Variants in SESN1 observed in about 807,000 individuals in gnomAD.
The protein encoded by SESN1 is sestrin 1.
In SESN1, 30 loss-of-function variants were observed where a neutral mutation model predicts 59.3. That is an observed-to-expected ratio of 0.51 (90% CI 0.38 to 0.69). SESN1 has a LOEUF of 0.69. SESN1 is among the 30% of genes least tolerant of loss of function. The probability of loss-of-function intolerance (pLI) is 0.00; values close to 1 mark genes in which losing one functional copy is unlikely to be tolerated. For synonymous variants in SESN1, 197 were observed against 219.9 expected, an observed-to-expected ratio of 0.90 and a Z score of 0.92; for missense variants, 566 against 673.0, an observed-to-expected ratio of 0.84 and a Z score of 1.76.
At chr6:109,085,474 G>A (rs562038768) in intron 1 of SESN1, among the ~76,000 whole-genome samples, 6 of 151,838 alleles carry the variant, frequency 4.0e-5, no homozygotes, top group East Asian at 1.9e-4. Flanking sequence ...AGCCGAGGTC[G>A]CACCACTGCA....
intron 1 of SESN1, among the ~76,000 whole-genome samples, chr6:109,009,743 C>G (rs1779822992): frequency 6.6e-6 from 1 of 152,082 alleles, no homozygotes; most frequent in Non-Finnish European, 1.5e-5. Context: ...GGCCCAGGTT[C>G]CCCACGAACA....
intron 1 of SESN1, among the ~76,000 whole-genome samples, chr6:109,075,879 G>C (rs184684726): frequency 6.6e-6 from 1 of 152,162 alleles, no homozygotes; most frequent in Non-Finnish European, 1.5e-5. Context: ...ACCCCAGAGG[G>C]AATGACTCTG....
chr6:109,080,158 C>T (rs1412279185), intron 1 of SESN1, among the ~76,000 whole-genome samples: 1 of 151,890 alleles, frequency 6.6e-6, no homozygotes, highest in African/African-American at 2.4e-5. Context: ...ACTTGTGGGG[C>T]GGGGAAGGGG....
At chr6:109,031,091 G>C (rs572984274) in intron 1 of SESN1, among the ~76,000 whole-genome samples, 313 of 152,304 alleles carry the variant, frequency 2.1e-3, no homozygotes, top group Non-Finnish European at 3.2e-3. Context: ...AGTAGGGAGT[G>C]AGTAAAGGCT....
At chr6:109,017,504 C>G (rs1481823696) in intron 1 of SESN1, among the ~76,000 whole-genome samples, 1 of 152,142 alleles carries the variant, frequency 6.6e-6, no homozygotes, top group Non-Finnish European at 1.5e-5. Context: ...CCAGGATGGT[C>G]TCGATCTCCT....
chr6:109,087,314 T>G (rs1227259851), intron 1 of SESN1, among the ~76,000 whole-genome samples: 1 of 151,002 alleles, frequency 6.6e-6, no homozygotes, highest in East Asian at 1.9e-4. Flanking sequence ...AGTCAGAAAG[T>G]GAAAAAAAAT....
chr6:109,040,387 G>C (rs913561633), intron 1 of SESN1, among the ~76,000 whole-genome samples: 3 of 152,120 alleles, frequency 2.0e-5, no homozygotes, highest in Non-Finnish European at 4.4e-5. Flanking sequence ...GGATTAAAAG[G>C]TTTCATTTAT....
rs1227089569 is a variant in SESN1 at position 108,987,037 on chromosome 6, C to T, written c.*507G>A. ...ACATAATGCAAGTTTAATTTGAAAT[C>T]ACACAAGTTATGTATGTAGGCTCAG... is the stretch of plus-strand genomic sequence containing the variant. On this transcript the variant is annotated 3_prime_UTR_variant, in exon 10 of 10. Coordinates refer to ENST00000436639, the MANE Select transcript of SESN1 (RefSeq NM_014454.3). The T allele has an allele frequency of 6.5e-6, 1 of 152,742 alleles. No homozygotes were observed. 9.5% of individuals were successfully genotyped at this position (152,742 alleles called of 1,614,324 possible). A position where few individuals can be genotyped will look rare whatever the true frequency, so the allele number is the denominator to read the frequency against.
At position 109,094,203 on chromosome 6, in the gene SESN1, G is replaced by T; in HGVS notation, c.-130C>A. 2.8e-6 allele frequency: 3 copies of T among 1,054,016 alleles called. No homozygotes were observed. The highest frequency in any genetic ancestry group is 4.1e-6 in the Non-Finnish European group (3 of 737,536). 65.3% of individuals were successfully genotyped at this position (1,054,016 alleles called of 1,614,324 possible). A position where few individuals can be genotyped will look rare whatever the true frequency, so the allele number is the denominator to read the frequency against. On this transcript the variant is annotated 5_prime_UTR_variant, in exon 1 of 10. Transcript: ENST00000436639. Reference sequence around the variant, plus strand: ...CAAATCGTCATGAAAACACACATCTGGGTGACATTTGGAACCACTGGTGCC... The same window carrying T: ...CAAATCGTCATGAAAACACACATCTTGGTGACATTTGGAACCACTGGTGCC...
At chr6:109,009,214 C>T (rs28504359) in intron 1 of SESN1, 95,032 of 837,672 alleles carry the variant, frequency 0.11, 5,942 homozygotes, top group South Asian at 0.18. Flanking sequence ...TCCCCGGGAG[C>T]CCGCCCTATC....
Position 108,987,371 on chromosome 6 carries a change from A to G in SESN1, c.*173T>C. The G allele has an allele frequency of 2.0e-6, 1 of 509,952 alleles. No homozygotes were observed. Among genetic ancestry groups the G allele is most frequent in the East Asian group, 3.1e-5 (1 of 32,122 alleles). The allele number at this position is 509,952 out of a possible 1,614,324, so 31.6% of individuals were successfully genotyped here. A position where few individuals can be genotyped will look rare whatever the true frequency, so the allele number is the denominator to read the frequency against. ...CTAAACTTGAAGCTGCCAAACAGTC[A>G]CTGCTTGTGCCAGCAGTGGTTTTCC... On this transcript the variant is annotated 3_prime_UTR_variant, in exon 10 of 10. Transcript: ENST00000436639.
At chr6:109,042,310 A>G (rs1268290564) in intron 1 of SESN1, among the ~76,000 whole-genome samples, 4 of 152,026 alleles carry the variant, frequency 2.6e-5, no homozygotes, top group Non-Finnish European at 4.4e-5. Context: ...AAAGAAGAGC[A>G]GTATAAACTG....
chr6:109,039,004 GAAGA>G (rs921755760), intron 1 of SESN1, among the ~76,000 whole-genome samples: 10 of 148,128 alleles, frequency 6.8e-5, no homozygotes, highest in African/African-American at 2.0e-4. Context: ...GAGGAGAAAA[GAAGA>G]AAGAGAAAGA....
At chr6:109,047,323 C>T (rs1348469602) in intron 1 of SESN1, among the ~76,000 whole-genome samples, 192 of 71,780 alleles carry the variant, frequency 2.7e-3, no homozygotes, top group African/African-American at 9.6e-3. Context: ...CCCGGCCAGC[C>T]GCCCCGTCCG....
intron 1 of SESN1, among the ~76,000 whole-genome samples, chr6:109,019,233 A>T (rs1228994198): frequency 6.6e-6 from 1 of 152,108 alleles, no homozygotes; most frequent in African/African-American, 2.4e-5. Flanking sequence ...ACCCCTCATG[A>T]TCTGTATCCT....
intron 5 of SESN1, among the ~76,000 whole-genome samples, chr6:108,995,876 T>G (rs1779494101): frequency 6.6e-6 from 1 of 152,214 alleles, no homozygotes; most frequent in Non-Finnish European, 1.5e-5. Context: ...CCAGGAATGC[T>G]TTTAAGACCT....
At chr6:109,090,205 T>G (rs1437602236) in intron 1 of SESN1, among the ~76,000 whole-genome samples, 1 of 152,226 alleles carries the variant, frequency 6.6e-6, no homozygotes, top group Non-Finnish European at 1.5e-5. Context: ...ATTTTGCAGA[T>G]GAGGAAACTG....
chr6:109,069,461 C>A (rs986340075), intron 1 of SESN1, among the ~76,000 whole-genome samples: 1 of 152,070 alleles, frequency 6.6e-6, no homozygotes, highest in Admixed American at 6.6e-5. Flanking sequence ...ACCTAATATT[C>A]AAATCAACTG....
intron 7 of SESN1, 147 bp from the exon 8 acceptor site, chr6:108,990,982 A>C (rs1317976201): frequency 1.6e-6 from 1 of 638,732 alleles, no homozygotes; most frequent in Non-Finnish European, 2.6e-6. Context: ...CTTACACTCC[A>C]ATCTTTTTTT....
Sources: allele counts gnomAD v4.1 joint callset (sites outside exome capture counted in the v4.1 genomes callset), GRCh38; gene constraint gnomAD v4.1.1; transcripts MANE v1.5; gene names NCBI Gene and HGNC (gene_info 2026-07-23, HGNC 2026-07-21).